TMEM67: variants seen among roughly 807,000 people sequenced by gnomAD.
The protein encoded by TMEM67 is transmembrane protein 67, also known as meckelin.
A neutral mutation model predicts 136.6 loss-of-function variants in TMEM67; 124 were observed. The ratio of observed to expected loss-of-function variants is 0.91; its 90% CI spans 0.78 to 1.05. The LOEUF is 1.05. TMEM67 is among the 50% of genes least tolerant of loss of function. The pLI is 0.00. For synonymous variants in TMEM67, 364 were observed against 390.5 expected (o/e 0.93, Z 0.80); for missense variants, 1,107 against 1,178.4 (o/e 0.94, Z 0.89).
At chr8:93,762,071 A>G (rs1436290009) in intron 3 of TMEM67, 3 of 152,264 alleles carry the variant, frequency 2.0e-5, no homozygotes, top group Admixed American at 2.0e-4. Context: ...CCTGGCCAAC[A>G]TGGTGAAACC....
intron 15 of TMEM67, 91 bp from the exon 16 acceptor site, chr8:93,793,107 T>A: frequency 8.4e-7 from 1 of 1,190,734 alleles, no homozygotes; most frequent in Non-Finnish European, 1.2e-6. Flanking sequence ...CACCCCACCA[T>A]TTTTTTGAGC....
At chr8:93,826,684 C>T in the TMEM67 span, among the ~76,000 whole-genome samples, 1 of 152,168 alleles carries the variant, frequency 6.6e-6, no homozygotes, top group Non-Finnish European at 1.5e-5. Flanking sequence ...TCTAAGTCCT[C>T]TTCTTTCCCT....
intron 23 of TMEM67, among the ~76,000 whole-genome samples, chr8:93,808,255 T>C (rs985685145): frequency 3.4e-5 from 5 of 145,118 alleles, no homozygotes; most frequent in African/African-American, 1.2e-4. Context: ...TATAAATATA[T>C]GTGATAAATA....
chr8:93,799,034 T>C (rs980030811), intron 20 of TMEM67, among the ~76,000 whole-genome samples: 13 of 151,582 alleles, frequency 8.6e-5, no homozygotes, highest in African/African-American at 3.2e-4. Context: ...AGTTTTATGG[T>C]CAAGTAAGTT....
chr8:93,809,307 A>G (rs117438092), intron 25 of TMEM67, 146 bp downstream of exon 25: 1 of 660,968 alleles, frequency 1.5e-6, no homozygotes, highest in Non-Finnish European at 2.7e-6. Flanking sequence ...TGTCTGTCAC[A>G]TTCAATACTT....
chr8:93,755,047 C>G lies in TMEM67; in HGVS notation c.133C>G (p.Gln45Glu). The change falls in exon 1 of 28, where the codon CAG becomes GAG. Residue 45 changes from glutamine (Q) to glutamate (E), a missense_variant. Gln to Glu is a conservative substitution (Grantham distance 29). Around this residue, in one of 3 missense-constraint regions of TMEM67, gnomAD observed 178 missense variants for 159.2 expected, o/e 1.12. Transcript: ENST00000453321. ...CCAGACCTTCTCTTTCCCTTTCCAG[C>G]AGCCGGAGAAGTGCGACAACAACCA... Reference protein sequence around the residue: ...QAQTFSFPFQQPEKCDNNQYF... With the variant: ...QAQTFSFPFQEPEKCDNNQYF... 2 of 1,614,242 alleles carry G rather than the reference C, an allele frequency of 1.2e-6. No homozygotes were observed. Among genetic ancestry groups the G allele is most frequent in the Non-Finnish European group, 1.7e-6 (2 of 1,180,038 alleles).
At chr8:93,767,041 C>G (rs1006138678) in intron 6 of TMEM67, among the ~76,000 whole-genome samples, 1 of 152,090 alleles carries the variant, frequency 6.6e-6, no homozygotes, top group African/African-American at 2.4e-5. Context: ...AACAATGACT[C>G]TTTGTTCTTT....
chr8:93,814,628 A>C (rs1400934040), intron 26 of TMEM67, among the ~76,000 whole-genome samples: 1 of 150,576 alleles, frequency 6.6e-6, no homozygotes, highest in African/African-American at 2.4e-5. Context: ...CAGCAGACCC[A>C]CCAGACCTAG....
intron 23 of TMEM67, among the ~76,000 whole-genome samples, chr8:93,807,951 T>A (rs1815227858): frequency 1.3e-5 from 2 of 151,944 alleles, no homozygotes. Context: ...GATATCTGGT[T>A]CATAACATTA....
intron 3 of TMEM67, chr8:93,758,832 C>T (rs979108416): frequency 9.8e-6 from 4 of 409,222 alleles, no homozygotes; most frequent in East Asian, 4.6e-5. Flanking sequence ...CTCCTGGCCT[C>T]GAGAGATCTT....
intron 3 of TMEM67, among the ~76,000 whole-genome samples, chr8:93,759,654 T>G (rs1395438837): frequency 1.5e-5 from 2 of 134,356 alleles, no homozygotes; most frequent in South Asian, 2.2e-4. Context: ...TTTATTTTTG[T>G]TTTTTTTTTT....
Position 93,785,214 on chromosome 8 carries a change from C to T in TMEM67, c.1132-8C>T. On this transcript the variant is annotated splice_region_variant and splice_polypyrimidine_tract_variant and intron_variant, in intron 11 of 27. Coordinates refer to ENST00000453321, the MANE Select transcript of TMEM67 (RefSeq NM_153704.6). ...TTATGTGCTTTTATTTTTAATTTTA[C>T]TTTTCAGTGTGAGATTCCTATCTCT... 6.5e-7 allele frequency: 1 copy of T among 1,530,754 alleles called. No homozygotes were observed. The highest frequency in any genetic ancestry group is 1.7e-4 in the Middle Eastern group (1 of 5,888). 94.8% of individuals were successfully genotyped at this position (1,530,754 alleles called of 1,614,324 possible). A position where few individuals can be genotyped will look rare whatever the true frequency, so the allele number is the denominator to read the frequency against.
chr8:93,795,709 G>T (rs1043370247), intron 17 of TMEM67, among the ~76,000 whole-genome samples, 192 bp from the exon 18 acceptor site: 1 of 151,916 alleles, frequency 6.6e-6, no homozygotes, highest in Admixed American at 6.6e-5. Flanking sequence ...TTTATAAATT[G>T]TGCTTAGTAA....
At chr8:93,798,221 T>A (rs995451166) in intron 20 of TMEM67, among the ~76,000 whole-genome samples, 9 of 152,320 alleles carry the variant, frequency 5.9e-5, no homozygotes, top group African/African-American at 1.9e-4. Flanking sequence ...ACCACTGGTT[T>A]GTATCAGAAT....
intron 10 of TMEM67, 65 bp downstream of exon 10, chr8:93,781,809 G>A (rs990995105): frequency 2.4e-5 from 22 of 933,968 alleles, no homozygotes; most frequent in African/African-American, 3.3e-5. Context: ...AAAGCCAAGA[G>A]GAAAAGATTA....
chr8:93,826,374 C>T, the TMEM67 span, among the ~76,000 whole-genome samples: 2 of 151,954 alleles, frequency 1.3e-5, no homozygotes, highest in African/African-American at 4.8e-5. Flanking sequence ...CATGATCCGC[C>T]CGCCTCGGCT....
intron 23 of TMEM67, among the ~76,000 whole-genome samples, chr8:93,807,004 A>C (rs1439444019): frequency 6.6e-6 from 1 of 152,170 alleles, no homozygotes; most frequent in Admixed American, 6.5e-5. Context: ...TTAAAATCTC[A>C]ATGGAAAAAT....
chr8:93,811,915 C>T (rs775809487), intron 26 of TMEM67, among the ~76,000 whole-genome samples: 4 of 151,644 alleles, frequency 2.6e-5, no homozygotes, highest in Non-Finnish European at 4.4e-5. Flanking sequence ...TTTGGGAGGC[C>T]GAGGCAGGTG....
rs140380293 is a variant in TMEM67, at chr8:93,801,306, T to A, written c.2241+1548T>A. On this transcript the variant is annotated intron_variant, in intron 21 of 27. Coordinates refer to ENST00000453321, the MANE Select transcript of TMEM67 (RefSeq NM_153704.6). The stretch of plus-strand genomic sequence containing the variant: ...CTGGAGTACAGTGATGGAATCATAG[T>A]TCACTGCAGCCTCAACCTCCCAGGC... 7.4e-3 allele frequency among the ~76,000 whole-genome samples: 1,128 copies of A among 151,800 alleles called. 12 individuals are homozygous for A. The highest frequency in any genetic ancestry group is 0.037 in the South Asian group (176 of 4,808).
Sources: allele counts gnomAD v4.1 joint callset (sites outside exome capture counted in the v4.1 genomes callset), GRCh38; gene constraint gnomAD v4.1.1; regional missense constraint gnomAD v4.1.1; transcripts MANE v1.5; gene names NCBI Gene and HGNC (gene_info 2026-07-23, HGNC 2026-07-21).